USP6NL: variants seen among roughly 807,000 people sequenced by gnomAD.
The protein encoded by USP6NL is USP6 N-terminal-like protein.
In USP6NL, 26 loss-of-function variants were observed where a neutral mutation model predicts 61.9. The ratio of observed to expected loss-of-function variants is 0.42; its 90% CI spans 0.31 to 0.58. The LOEUF is 0.58. Ranked by LOEUF, USP6NL falls within the 20% of genes least tolerant of loss-of-function variation. USP6NL has a pLI of 0.16. For synonymous variants in USP6NL, 432 were observed against 390.1 expected, an observed-to-expected ratio of 1.11 and a Z score of -1.27; for missense variants, 1,114 against 1,034.3, an observed-to-expected ratio of 1.08 and a Z score of -1.06.
chr10:11,589,490 T>C lies in USP6NL; in HGVS notation c.4+8141A>G, dbSNP rs566979558. Reference sequence around the variant, plus strand: ...ACCAAAGGAAAATACAAAGACCAACTATTATAATTTACATAAAAACTTAAT... The same window carrying C: ...ACCAAAGGAAAATACAAAGACCAACCATTATAATTTACATAAAAACTTAAT... On this transcript the variant is annotated intron_variant, in intron 2 of 14. Transcript: ENST00000609104. The surrounding 1 kb of genome is among the most constrained non-coding windows in gnomAD (Gnocchi z 4.7). Among the ~76,000 whole-genome samples, 1 of 152,280 alleles carries C rather than the reference T, an allele frequency of 6.6e-6. No individual in the cohort carries two copies. The highest frequency in any genetic ancestry group is 1.9e-4 in the East Asian group (1 of 5,190).
intron 14 of USP6NL, among the ~76,000 whole-genome samples, chr10:11,472,472 T>C (rs917441335): frequency 8.5e-5 from 13 of 152,206 alleles, no homozygotes; most frequent in African/African-American, 3.1e-4. Flanking sequence ...CATTCTACCT[T>C]TACACTTTCA....
chr10:11,577,082 G>T (rs1311544250), intron 2 of USP6NL, among the ~76,000 whole-genome samples: 1 of 145,352 alleles, frequency 6.9e-6, no homozygotes, highest in African/African-American at 2.6e-5. Context: ...TTTTTCGATG[G>T]AGTCTGGCTC....
intron 4 of USP6NL, among the ~76,000 whole-genome samples, chr10:11,521,401 GAC>G (rs1835204428): frequency 1.4e-5 from 2 of 140,772 alleles, no homozygotes; most frequent in South Asian, 4.4e-4. Flanking sequence ...TTTTTTTTTA[GAC>G]AGAGTCTTGC....
At chr10:11,546,861 T>A (rs986991633) in intron 2 of USP6NL, among the ~76,000 whole-genome samples, 2 of 152,224 alleles carry the variant, frequency 1.3e-5, no homozygotes, top group Non-Finnish European at 2.9e-5. Flanking sequence ...TTGGAAAATG[T>A]GGTTTCTTTA....
chr10:11,469,924 A>G (rs1369788586), intron 14 of USP6NL, among the ~76,000 whole-genome samples: 1 of 152,190 alleles, frequency 6.6e-6, no homozygotes, highest in East Asian at 1.9e-4. Context: ...TGCTGATGCT[A>G]ACGCTGCGAT....
In USP6NL at chr10:11,518,920, C is replaced by T. The variant is rs1437993285; in HGVS notation, c.156-346G>A. The stretch of plus-strand genomic sequence containing the variant: ...CGTAGCTAGAAGCCACCATATTGAA[C>T]GGTACAGATATAGAACATTTCCATC... On this transcript the variant is annotated intron_variant, in intron 4 of 14. Transcript: ENST00000609104. The surrounding 1 kb of genome is among the most constrained non-coding windows in gnomAD (Gnocchi z 5.3). Among the ~76,000 whole-genome samples the T allele has an allele frequency of 1.3e-5, 2 of 152,204 alleles. No individual in the cohort carries two copies. Among genetic ancestry groups the T allele is most frequent in the Admixed American group, 6.5e-5 (1 of 15,286 alleles).
At chr10:11,522,526 T>C (rs1835253305) in intron 4 of USP6NL, among the ~76,000 whole-genome samples, 1 of 152,178 alleles carries the variant, frequency 6.6e-6, no homozygotes. Context: ...AATCACTGAT[T>C]TTGGTGAAAT....
In USP6NL at chr10:11,520,759, G is replaced by C. The variant is rs1566154317; in HGVS notation, c.156-2185C>G. 6.6e-6 allele frequency among the ~76,000 whole-genome samples: 1 copy of C among 152,254 alleles called. No homozygotes were observed. Among genetic ancestry groups the C allele is most frequent in the Non-Finnish European group, 1.5e-5 (1 of 68,040 alleles). ...AACGCTGTCACACTCTGCCATGAATGTATTGTCTCTGGTTGTTTTCATGCT... is the reference window on the plus strand; with the variant it reads ...AACGCTGTCACACTCTGCCATGAATCTATTGTCTCTGGTTGTTTTCATGCT... On this transcript the variant is annotated intron_variant, in intron 4 of 14. Coordinates refer to ENST00000609104, the MANE Select transcript of USP6NL (RefSeq NM_014688.5). The surrounding 1 kb of genome is among the most constrained non-coding windows in gnomAD (Gnocchi z 5.2).
intron 2 of USP6NL, among the ~76,000 whole-genome samples, chr10:11,584,811 A>G (rs1231631663): frequency 6.6e-6 from 1 of 151,942 alleles, no homozygotes; most frequent in East Asian, 1.9e-4. Flanking sequence ...GGTGGAGCAC[A>G]CCTGTAGTCC....
intron 2 of USP6NL, among the ~76,000 whole-genome samples, chr10:11,576,174 A>C (rs1837537770): frequency 6.6e-6 from 1 of 152,224 alleles, no homozygotes; most frequent in African/African-American, 2.4e-5. Context: ...CAGGTAAAAG[A>C]ATATGAGAAT....
intron 2 of USP6NL, chr10:11,563,921 A>G (rs1837031280): frequency 6.6e-6 from 1 of 152,202 alleles, no homozygotes; most frequent in African/African-American, 2.4e-5. Context: ...GACATTTTGG[A>G]TTGTTCACAT....
chr10:11,502,293 A>C (rs1287790046), intron 6 of USP6NL, among the ~76,000 whole-genome samples: 1 of 151,510 alleles, frequency 6.6e-6, no homozygotes, highest in African/African-American at 2.4e-5. Flanking sequence ...TGTGTCATCA[A>C]CTCCCTCCAT....
chr10:11,556,702 A>C (rs892892295), intron 2 of USP6NL, among the ~76,000 whole-genome samples: 1 of 152,262 alleles, frequency 6.6e-6, no homozygotes, highest in African/African-American at 2.4e-5. Context: ...TTGCAACAAA[A>C]CAATCAACCC....
At position 11,592,524 on chromosome 10, in the gene USP6NL, T is replaced by C. The variant is rs1378399911; in HGVS notation, c.4+5107A>G. Among the ~76,000 whole-genome samples, 2 of 152,248 alleles carry C rather than the reference T, an allele frequency of 1.3e-5. No individual in the cohort carries two copies. Among genetic ancestry groups the C allele is most frequent in the Admixed American group, 1.3e-4 (2 of 15,292 alleles). On this transcript the variant is annotated intron_variant, in intron 2 of 14. Coordinates refer to ENST00000609104, the MANE Select transcript of USP6NL (RefSeq NM_014688.5). The surrounding 1 kb of genome is among the most constrained non-coding windows in gnomAD (Gnocchi z 4.7). ...AGAACTTTATATTCCCAAATCTAAA[T>C]TTATCAAACATAAATGAGTCTTAAT... is the stretch of plus-strand genomic sequence containing the variant.
rs1467248244 is a variant in USP6NL, at chr10:11,463,254, C to T, written c.1674G>A (p.Glu558=). 4 of 1,613,714 alleles carry T rather than the reference C, an allele frequency of 2.5e-6. No individual in the cohort carries two copies. In the East Asian group the frequency reaches 8.9e-5, roughly 36 times the overall value. ...CCTCCACGGAAGCGCCGCTGTCCAG[C>T]TCCGGGCCTGGCACGTTGTCGTACT... ...ASQYDNVPGP[E]LDSGASVEEA... is the part of the protein sequence containing the mutation. Residue 558 remains glutamate, a synonymous_variant, in exon 15 of 15, where the codon GAG becomes GAA. Coordinates refer to ENST00000609104, the MANE Select transcript of USP6NL (RefSeq NM_014688.5). The surrounding 1 kb of genome is among the most constrained non-coding windows in gnomAD (Gnocchi z 6.3).
In USP6NL at chr10:11,481,463, T is replaced by C. The variant is rs1185581559; in HGVS notation, c.1078+307A>G. ...GATGAAGAAAGCAAAAAAAAGCTTATTGTTATGCTCGTTTAAAGCACCATG... is the reference window on the plus strand; with the variant it reads ...GATGAAGAAAGCAAAAAAAAGCTTACTGTTATGCTCGTTTAAAGCACCATG... On this transcript the variant is annotated intron_variant, in intron 14 of 14. Transcript: ENST00000609104. The surrounding 1 kb of genome is among the most constrained non-coding windows in gnomAD (Gnocchi z 4.4). Among the ~76,000 whole-genome samples the C allele has an allele frequency of 6.6e-6, 1 of 152,190 alleles. No homozygotes were observed. The highest frequency in any genetic ancestry group is 2.4e-5 in the African/African-American group (1 of 41,446).
At chr10:11,541,543 C>T (rs1439662619) in intron 2 of USP6NL, among the ~76,000 whole-genome samples, 2 of 151,956 alleles carry the variant, frequency 1.3e-5, no homozygotes, top group South Asian at 2.1e-4. Flanking sequence ...TAAATAAAAT[C>T]GCAAGCAAAT....
In USP6NL at chr10:11,537,297, A is replaced by G. The variant is rs146823003; in HGVS notation, c.5-9730T>C. On this transcript the variant is annotated intron_variant, in intron 2 of 14. Coordinates refer to ENST00000609104, the MANE Select transcript of USP6NL (RefSeq NM_014688.5). This position sits in a 1 kb window ranked among gnomAD's most constrained non-coding sequence, Gnocchi z 5.1. The stretch of plus-strand genomic sequence containing the variant: ...TAGCTAATACTTGTATTTTTTGTCG[A>G]GACGGGATTTTGCCATGTTGCCCTG... 6.6e-6 allele frequency among the ~76,000 whole-genome samples: 1 copy of G among 152,202 alleles called. No individual in the cohort carries two copies. Among genetic ancestry groups the G allele is most frequent in the Non-Finnish European group, 1.5e-5 (1 of 68,006 alleles).
rs1836929770 is a variant in USP6NL, at chr10:11,561,520, T to C, written c.5-33953A>G. On this transcript the variant is annotated intron_variant, in intron 2 of 14. Transcript: ENST00000609104. This position sits in a 1 kb window ranked among gnomAD's most constrained non-coding sequence, Gnocchi z 4.1. Reference sequence around the variant, plus strand: ...CAATTATCTTTCTACTCAAATATATTTCATAGACATTTTTCCAGGTCTGTT... The same window carrying C: ...CAATTATCTTTCTACTCAAATATATCTCATAGACATTTTTCCAGGTCTGTT... Among the ~76,000 whole-genome samples, 1 of 152,222 alleles carries C rather than the reference T, an allele frequency of 6.6e-6. No homozygotes were observed. The highest frequency in any genetic ancestry group is 2.4e-5 in the African/African-American group (1 of 41,450).
Sources: gnomAD v4.1 joint callset for allele counts (sites outside exome capture counted in the v4.1 genomes callset) on GRCh38, gnomAD v4.1.1 for gene constraint, Gnocchi (gnomAD v3.1) non-coding constraint, MANE v1.5 for transcripts, NCBI Gene and HGNC (gene_info 2026-07-23, HGNC 2026-07-21) for gene names.